Variants in BRD4 observed in about 807,000 individuals in gnomAD.
BRD4 encodes bromodomain-containing protein 4.
Under a neutral mutation model 142.1 loss-of-function variants are expected in BRD4, and 16 were observed. The ratio of observed to expected loss-of-function variants is 0.11; its 90% confidence interval spans 0.08 to 0.17. The LOEUF is 0.17. Among genes scored for constraint, BRD4 ranks in the 10% least tolerant of loss-of-function variants. The pLI is 1.00. For missense variants in BRD4, 1,424 were observed against 1,810.9 expected, an observed-to-expected ratio of 0.79 and a Z score of 3.88; for synonymous variants, 833 against 707.5, an observed-to-expected ratio of 1.18 and a Z score of -2.82.
At chr19:15,317,111 G>A (rs914373986) in intron 1 of BRD4, among the ~76,000 whole-genome samples, 1 of 152,144 alleles carries the variant, frequency 6.6e-6, no homozygotes, top group Non-Finnish European at 1.5e-5. Context: ...AGTGGGCTCT[G>A]GACACAAGTG....
chr19:15,313,248 C>CT (rs2047988155), intron 1 of BRD4, among the ~76,000 whole-genome samples: 1 of 151,556 alleles, frequency 6.6e-6, no homozygotes, highest in Non-Finnish European at 1.5e-5. Context: ...TGGCGGACAG[C>CT]TAGAGTCCCA....
chr19:15,299,490 G>A (rs1161094480), intron 1 of BRD4, among the ~76,000 whole-genome samples: 3 of 152,204 alleles, frequency 2.0e-5, no homozygotes, highest in Non-Finnish European at 4.4e-5. Context: ...TGGGTAGGGG[G>A]TGAATGAAGA....
At chr19:15,322,367 G>A (rs1365537770) in intron 1 of BRD4, among the ~76,000 whole-genome samples, 1 of 151,918 alleles carries the variant, frequency 6.6e-6, no homozygotes, top group African/African-American at 2.4e-5. Flanking sequence ...CGCCTCCCGG[G>A]TTCACGCCAT....
chr19:15,293,101 A>G (rs1037673692), intron 1 of BRD4, among the ~76,000 whole-genome samples: 2 of 152,172 alleles, frequency 1.3e-5, no homozygotes, highest in Non-Finnish European at 2.9e-5. Context: ...CACTCAAAAC[A>G]GTGACATCCA....
chr19:15,243,616 TC>T, intron 13 of BRD4, 129 bp from the exon 14 acceptor site: 1 of 1,384,708 alleles, frequency 7.2e-7, no homozygotes, highest in South Asian at 1.7e-5. Flanking sequence ...TGGCACTCCC[TC>T]CCCACCTACC....
At chr19:15,283,251 GAAGAAAGTTT>G (rs1599486509) in intron 1 of BRD4, among the ~76,000 whole-genome samples, 1 of 152,282 alleles carries the variant, frequency 6.6e-6, no homozygotes, top group East Asian at 1.9e-4. Context: ...ATTAAAATGA[GAAGAAAGTTT>G]AAGAGTGAAA....
At chr19:15,279,179 A>G (rs1350007836) in intron 1 of BRD4, among the ~76,000 whole-genome samples, 2 of 152,192 alleles carry the variant, frequency 1.3e-5, no homozygotes, top group Non-Finnish European at 2.9e-5. Context: ...TGCAATCATA[A>G]TATTTAAGTG....
At chr19:15,265,229 G>T in intron 5 of BRD4, 125 bp downstream of exon 5, 2 of 998,398 alleles carry the variant, frequency 2.0e-6, no homozygotes, top group Non-Finnish European at 2.8e-6. Flanking sequence ...TTTCAACACA[G>T]CAAGATCTCC....
intron 2 of BRD4, among the ~76,000 whole-genome samples, chr19:15,271,671 G>A (rs1381003828): frequency 6.6e-6 from 1 of 152,146 alleles, no homozygotes; most frequent in Non-Finnish European, 1.5e-5. Flanking sequence ...CCTCCCGCAG[G>A]CCAACACAGC....
intron 8 of BRD4, among the ~76,000 whole-genome samples, chr19:15,256,596 A>G (rs1221019718): frequency 6.6e-6 from 1 of 152,158 alleles, no homozygotes; most frequent in Admixed American, 6.5e-5. Context: ...GAGCACACGG[A>G]CACGTCAGGC....
intron 1 of BRD4, among the ~76,000 whole-genome samples, chr19:15,330,146 T>C (rs992626934): frequency 1.3e-5 from 2 of 152,196 alleles, no homozygotes; most frequent in Non-Finnish European, 2.9e-5. Flanking sequence ...GGCTGACTGC[T>C]AGCAAGATAC....
At chr19:15,280,517 G>A in intron 1 of BRD4, 2 of 877,582 alleles carry the variant, frequency 2.3e-6, no homozygotes, top group Non-Finnish European at 2.8e-6. Context: ...TGCTTACAAT[G>A]AGATATATCC....
At chr19:15,261,058 A>G (rs568406068) in intron 7 of BRD4, among the ~76,000 whole-genome samples, 233 of 152,330 alleles carry the variant, frequency 1.5e-3, no homozygotes, top group Non-Finnish European at 2.0e-3. Flanking sequence ...ATGGGTATCA[A>G]TGTGAGCAGT....
intron 7 of BRD4, among the ~76,000 whole-genome samples, chr19:15,258,625 A>C (rs940162432): frequency 6.6e-6 from 1 of 151,524 alleles, no homozygotes; most frequent in African/African-American, 2.4e-5. Context: ...TTCTTTTTGG[A>C]GATAGGGCCT....
At chr19:15,258,114 A>C (rs534903117) in intron 7 of BRD4, among the ~76,000 whole-genome samples, 1 of 152,322 alleles carries the variant, frequency 6.6e-6, no homozygotes, top group South Asian at 2.1e-4. Flanking sequence ...ACCAGGAATA[A>C]ACTGATCATC....
chr19:15,266,356 C>T (rs2047534486), intron 4 of BRD4, among the ~76,000 whole-genome samples: 1 of 152,212 alleles, frequency 6.6e-6, no homozygotes, highest in Non-Finnish European at 1.5e-5. Context: ...CCAGTGCCTT[C>T]ATCTATCAGC....
chr19:15,317,092 A>G (rs1379279631), intron 1 of BRD4, among the ~76,000 whole-genome samples: 1 of 152,198 alleles, frequency 6.6e-6, no homozygotes, highest in Non-Finnish European at 1.5e-5. Flanking sequence ...GCCACAGCAG[A>G]CAAGAGCTAG....
chr19:15,293,832 G>T (rs764739457), intron 1 of BRD4, among the ~76,000 whole-genome samples: 12 of 152,116 alleles, frequency 7.9e-5, no homozygotes, highest in Non-Finnish European at 1.6e-4. Flanking sequence ...CCTGCTCGTG[G>T]TAACCACTAT....
At chr19:15,271,089 T>C (rs1439310263) in intron 2 of BRD4, among the ~76,000 whole-genome samples, 1 of 152,128 alleles carries the variant, frequency 6.6e-6, no homozygotes, top group East Asian at 1.9e-4. Flanking sequence ...CAATCACCCA[T>C]ACTTGTCTGT....
Sources: gnomAD v4.1 joint callset for allele counts (sites outside exome capture counted in the v4.1 genomes callset) on GRCh38, gnomAD v4.1.1 for gene constraint, MANE v1.5 for transcripts, NCBI Gene and HGNC (gene_info 2026-07-23, HGNC 2026-07-21) for gene names.